DDAH1: variants seen among roughly 807,000 people sequenced by gnomAD.
DDAH1 encodes N(G),N(G)-dimethylarginine dimethylaminohydrolase 1.
Under a neutral mutation model 28.8 loss-of-function variants are expected in DDAH1, and 19 were observed. The ratio of observed to expected loss-of-function variants is 0.66; its 90% confidence interval spans 0.46 to 0.97. The LOEUF (loss-of-function observed/expected upper bound fraction) is 0.97, where lower values mean the gene tolerates loss of function less well. Among genes scored for constraint, DDAH1 ranks in the 50% least tolerant of loss-of-function variants. The pLI is 0.00. For missense variants in DDAH1, 326 were observed against 375.9 expected (o/e 0.87, Z 1.10); for synonymous variants, 153 against 154.4 (o/e 0.99, Z 0.07).
At chr1:85,554,279 T>TTG (rs1658895136) in intron 1 of DDAH1, among the ~76,000 whole-genome samples, 1 of 148,574 alleles carries the variant, frequency 6.7e-6, no homozygotes, top group Non-Finnish European at 1.5e-5. Flanking sequence ...TGTAAGAGTT[T>TTG]TTTTTTTTTT....
intron 1 of DDAH1, among the ~76,000 whole-genome samples, chr1:85,513,953 C>T (rs1257889560): frequency 6.6e-6 from 1 of 152,146 alleles, no homozygotes; most frequent in African/African-American, 2.4e-5. Flanking sequence ...GGCGATTCCT[C>T]AAGGATCTAG....
At chr1:85,542,865 C>T (rs1378519672) in intron 1 of DDAH1, among the ~76,000 whole-genome samples, 1 of 152,094 alleles carries the variant, frequency 6.6e-6, no homozygotes, top group Non-Finnish European at 1.5e-5. Context: ...TAACACTGGG[C>T]GATTTCACAA....
At chr1:85,499,903 A>AT (rs955484012) in intron 1 of DDAH1, among the ~76,000 whole-genome samples, 1 of 152,176 alleles carries the variant, frequency 6.6e-6, no homozygotes, top group Non-Finnish European at 1.5e-5. Flanking sequence ...AGCACTAGTC[A>AT]TTTTTTTATG....
At chr1:85,433,673 G>A (rs1653808096) in intron 1 of DDAH1, among the ~76,000 whole-genome samples, 1 of 151,990 alleles carries the variant, frequency 6.6e-6, no homozygotes, top group Non-Finnish European at 1.5e-5. Flanking sequence ...TCCTTCATAA[G>A]GACATCATTA....
intron 1 of DDAH1, among the ~76,000 whole-genome samples, chr1:85,417,417 C>T (rs1652934021): frequency 6.6e-6 from 1 of 152,152 alleles, no homozygotes; most frequent in African/African-American, 2.4e-5. Context: ...TTCCATCATG[C>T]CAGTCTCCAT....
At chr1:85,420,830 CTG>C (rs1241666712) in intron 1 of DDAH1, among the ~76,000 whole-genome samples, 2 of 152,162 alleles carry the variant, frequency 1.3e-5, no homozygotes, top group Non-Finnish European at 2.9e-5. Context: ...TACTGATTTT[CTG>C]TGTTAGACCA....
chr1:85,521,765 C>T (rs1657700889), intron 1 of DDAH1: 1 of 278,746 alleles, frequency 3.6e-6, no homozygotes, highest in Non-Finnish European at 5.4e-6. Context: ...CGGCTCACGT[C>T]CTTCTCCTAC....
intron 4 of DDAH1, among the ~76,000 whole-genome samples, chr1:85,344,725 CTA>C (rs1245293032): frequency 6.6e-6 from 1 of 152,104 alleles, no homozygotes; most frequent in Non-Finnish European, 1.5e-5. Context: ...GCAGATATTA[CTA>C]TCTGTCCTCC....
In DDAH1 at chr1:85,358,737, T is replaced by C; in HGVS notation, c.403+11A>G. On this transcript the variant is annotated intron_variant, in intron 2 of 5. Transcript: ENST00000284031. Reference sequence around the variant, plus strand: ...AATATTCTTGGATAGAAAAAATAAATACAACTATACCTGTGAATAAAACAT... The same window carrying C: ...AATATTCTTGGATAGAAAAAATAAACACAACTATACCTGTGAATAAAACAT... The C allele has an allele frequency of 6.5e-7, 1 of 1,528,750 alleles. No individual in the cohort carries two copies. The highest frequency in any genetic ancestry group is 2.3e-5 in the East Asian group (1 of 44,136). The allele number at this position is 1,528,750 out of a possible 1,614,324, so 94.7% of individuals were successfully genotyped here. A position where few individuals can be genotyped will look rare whatever the true frequency, so the allele number is the denominator to read the frequency against.
chr1:85,509,786 A>T (rs1657158335), intron 1 of DDAH1, among the ~76,000 whole-genome samples: 1 of 152,208 alleles, frequency 6.6e-6, no homozygotes, highest in Non-Finnish European at 1.5e-5. Context: ...ACAAGGTTAG[A>T]GAAAAAAGAG....
intron 1 of DDAH1, among the ~76,000 whole-genome samples, chr1:85,428,694 G>A (rs1186551227): frequency 6.6e-6 from 1 of 152,096 alleles, no homozygotes; most frequent in African/African-American, 2.4e-5. Context: ...CTCAAGAGAA[G>A]TAACTCCAGA....
intron 4 of DDAH1, among the ~76,000 whole-genome samples, chr1:85,331,439 A>G (rs1647760761): frequency 1.3e-5 from 2 of 151,350 alleles, no homozygotes. Context: ...ATATATATAT[A>G]ACATAATGTA....
chr1:85,450,721 G>A (rs1654634566), intron 1 of DDAH1, among the ~76,000 whole-genome samples: 2 of 152,148 alleles, frequency 1.3e-5, no homozygotes, highest in Non-Finnish European at 2.9e-5. Flanking sequence ...CTGAGATGAT[G>A]TAACTGAGAA....
At chr1:85,473,009 G>C (rs754109722) in intron 2 of DDAH1, among the ~76,000 whole-genome samples, 1 of 152,236 alleles carries the variant, frequency 6.6e-6, no homozygotes, top group South Asian at 2.1e-4. Flanking sequence ...ATTCACTTAG[G>C]ATAATGACCT....
intron 2 of DDAH1, among the ~76,000 whole-genome samples, chr1:85,476,406 G>T (rs755441271): frequency 6.6e-6 from 1 of 152,166 alleles, no homozygotes; most frequent in African/African-American, 2.4e-5. Context: ...GAGTCCACTG[G>T]GGCAGCTGAA....
intron 2 of DDAH1, among the ~76,000 whole-genome samples, chr1:85,489,805 A>G (rs530024668): frequency 6.6e-5 from 10 of 152,356 alleles, no homozygotes; most frequent in Non-Finnish European, 1.0e-4. Flanking sequence ...AACCCCTAAC[A>G]TAGTATTTTA....
chr1:85,534,332 C>A (rs2254568), intron 1 of DDAH1, among the ~76,000 whole-genome samples: 2 of 152,162 alleles, frequency 1.3e-5, no homozygotes, highest in East Asian at 3.9e-4. Context: ...AGTGACCTCA[C>A]CATGAGGATA....
At chr1:85,381,386 T>G (rs1650981446) in intron 1 of DDAH1, among the ~76,000 whole-genome samples, 1 of 151,580 alleles carries the variant, frequency 6.6e-6, no homozygotes, top group South Asian at 2.1e-4. Flanking sequence ...GCAGGTGATT[T>G]TTGGTTATAT....
rs533981152 is a variant in DDAH1, at chr1:85,384,243, C to T, written c.304-25396G>A. On this transcript the variant is annotated intron_variant, in intron 1 of 5. Coordinates refer to ENST00000284031, the MANE Select transcript of DDAH1 (RefSeq NM_012137.4). ...CTAGCTTTGGGTAGTTCCTCTTATG[C>T]GTGCACAGACAAATACATACCTACC... Among the ~76,000 whole-genome samples, 34 of 152,236 alleles carry T rather than the reference C, an allele frequency of 2.2e-4. 2 individuals carry two copies. In the South Asian group the frequency reaches 5.4e-3, roughly 24 times the overall value.
Sources: allele counts gnomAD v4.1 joint callset (sites outside exome capture counted in the v4.1 genomes callset), GRCh38; gene constraint gnomAD v4.1.1; transcripts MANE v1.5; gene names NCBI Gene and HGNC (gene_info 2026-07-23, HGNC 2026-07-21).